GUCY2F: variants seen among roughly 807,000 people sequenced by gnomAD.
GUCY2F encodes the protein guanylate cyclase 2F, retinal.
In GUCY2F, 61 loss-of-function variants were observed where a neutral mutation model predicts 73.1. The ratio of observed to expected loss-of-function variants is 0.83; its 90% CI spans 0.68 to 1.03. The LOEUF (loss-of-function observed/expected upper bound fraction) is 1.03. Among genes scored for constraint, GUCY2F ranks in the 50% least tolerant of loss-of-function variants. The probability of loss-of-function intolerance (pLI) is 0.00; values close to 1 mark genes in which losing one functional copy is unlikely to be tolerated. For synonymous variants in GUCY2F, 331 were observed against 307.8 expected (o/e 1.08, Z -0.79); for missense variants, 912 against 854.3 (o/e 1.07, Z -0.84).
chrX:109,392,790 G>A, intron 13 of GUCY2F, 102 bp downstream of exon 13: 1 of 499,650 alleles, frequency 2.0e-6, no homozygotes, highest in Non-Finnish European at 3.4e-6. Context: ...AGGACAAGGG[G>A]AGGCAGCAGT....
chrX:109,455,211 T>C (rs1603384888), intron 3 of GUCY2F, among the ~76,000 whole-genome samples: 1 of 111,775 alleles, frequency 8.9e-6, no homozygotes, highest in East Asian at 2.8e-4. Flanking sequence ...AAGATTCTAA[T>C]ATGCATGCAG....
chrX:109,447,729 C>G (rs187167649), intron 6 of GUCY2F, among the ~76,000 whole-genome samples: 6 of 108,976 alleles, frequency 5.5e-5, no homozygotes, highest in Admixed American at 1.9e-4. Flanking sequence ...ACATATGTAA[C>G]AAACCTGCAC....
intron 10 of GUCY2F, among the ~76,000 whole-genome samples, chrX:109,402,604 C>A (rs35256564): frequency 9.0e-6 from 1 of 111,288 alleles, no homozygotes; most frequent in South Asian, 3.8e-4. Context: ...AACTCCTGAC[C>A]TCGTGATCTG....
intron 2 of GUCY2F, 105 bp from the exon 3 acceptor site, chrX:109,465,548 T>G: frequency 1.8e-6 from 1 of 557,985 alleles, no homozygotes; most frequent in South Asian, 2.9e-5. Flanking sequence ...AATTTGTAAG[T>G]GGTTTCTTAT....
chrX:109,401,214 G>A, intron 10 of GUCY2F, among the ~76,000 whole-genome samples: 1 of 112,198 alleles, frequency 8.9e-6, no homozygotes, highest in East Asian at 2.8e-4. Context: ...ACTACCATTA[G>A]AGTTGAACTC....
intron 8 of GUCY2F, among the ~76,000 whole-genome samples, chrX:109,410,415 T>A (rs1459676020): frequency 1.8e-5 from 2 of 112,449 alleles, no homozygotes; most frequent in Non-Finnish European, 3.8e-5. Context: ...TCTATTAAAA[T>A]AGCTTCCCTA....
chrX:109,426,706 T>C (rs1457343392), intron 8 of GUCY2F, among the ~76,000 whole-genome samples: 1 of 112,462 alleles, frequency 8.9e-6, no homozygotes, highest in Non-Finnish European at 1.9e-5. Context: ...GCATTTTCAG[T>C]AGCAGTTATA....
Position 109,453,725 on chromosome X carries a change from T to A in GUCY2F, c.1167A>T (p.Gly389=). The A allele has an allele frequency of 8.3e-7, 1 of 1,199,322 alleles. No individual in the cohort carries two copies. Among genetic ancestry groups the A allele is most frequent in the Non-Finnish European group, 1.1e-6 (1 of 884,092 alleles). The part of the protein sequence containing the change: ...VQHSRNMQFH[G]FNQLMRTDSN... ...AATCTGTCCTCATCAACTGGTTGAA[T>A]CCATGGAACTGCATGTTTCTGGAAT... Residue 389 remains glycine (G), a synonymous_variant, in exon 4 of 20, where the codon GGA becomes GGT. Transcript: ENST00000218006.
chrX:109,474,609 T>A (rs1004760718), intron 2 of GUCY2F, among the ~76,000 whole-genome samples: 1 of 111,998 alleles, frequency 8.9e-6, no homozygotes, highest in Non-Finnish European at 1.9e-5. Context: ...TCTTTTCATT[T>A]TAATATGCTT....
intron 17 of GUCY2F, among the ~76,000 whole-genome samples, chrX:109,376,665 A>T (rs910789245): frequency 4.5e-5 from 5 of 112,045 alleles, no homozygotes; most frequent in African/African-American, 1.6e-4. Flanking sequence ...TCTTCCAGCC[A>T]AGGGACTCTT....
intron 3 of GUCY2F, among the ~76,000 whole-genome samples, chrX:109,456,080 C>T (rs1333616949): frequency 8.9e-6 from 1 of 112,292 alleles, no homozygotes; most frequent in African/African-American, 3.2e-5. Context: ...CTTCATCACC[C>T]TGTCTCAAGA....
At chrX:109,467,689 A>G (rs762824809) in intron 2 of GUCY2F, among the ~76,000 whole-genome samples, 10 of 111,735 alleles carry the variant, frequency 8.9e-5, no homozygotes, top group Admixed American at 1.9e-4. Context: ...CAGCTAAGGA[A>G]AGGCACCTCT....
intron 17 of GUCY2F, among the ~76,000 whole-genome samples, chrX:109,380,068 G>A (rs961812208): frequency 1.8e-4 from 20 of 112,241 alleles, no homozygotes; most frequent in Admixed American, 6.6e-4. Flanking sequence ...AGGAGATGGC[G>A]TGGAGGGAAG....
intron 8 of GUCY2F, among the ~76,000 whole-genome samples, chrX:109,423,528 C>T (rs1238550927): frequency 9.2e-6 from 1 of 108,784 alleles, no homozygotes; most frequent in East Asian, 2.8e-4. Context: ...GAGTTTTGGA[C>T]ACATAAATGT....
At chrX:109,451,535 A>G (rs1932134139) in intron 5 of GUCY2F, among the ~76,000 whole-genome samples, 1 of 111,738 alleles carries the variant, frequency 8.9e-6, no homozygotes, top group African/African-American at 3.3e-5. Flanking sequence ...TAGGTGCTTT[A>G]CTTATTTTAG....
Position 109,430,342 on chromosome X carries a change from A to G in GUCY2F, c.1756T>C (p.Ser586Pro), listed in dbSNP as rs755714319. ...FSLGDFGDLK[S>P]IKSRASDVFE... ...ACATCACTTGCTCTTGATTTGATGG[A>G]CTTAAGGTCTCCAAAATCTCCAAGG... The change falls in exon 8 of 20, where the codon TCC (serine) becomes CCC (proline). Residue 586 changes from serine (S) to proline (P), a missense_variant. Transcript: ENST00000218006. 9 of 1,139,169 alleles carry G rather than the reference A, an allele frequency of 7.9e-6. No individual in the cohort carries two copies. In the South Asian group the frequency reaches 1.4e-4, roughly 18 times the overall value. 93.9% of individuals were successfully genotyped at this position (1,139,169 alleles called of 1,213,427 possible).
intron 15 of GUCY2F, among the ~76,000 whole-genome samples, chrX:109,386,195 G>A (rs1930432618): frequency 8.9e-6 from 1 of 111,962 alleles, no homozygotes; most frequent in Admixed American, 9.5e-5. Flanking sequence ...TCTAATTGAA[G>A]AGAAGATACT....
chrX:109,475,740 A>C lies in GUCY2F; in HGVS notation c.197T>G (p.Leu66Arg). 1 of 1,211,002 alleles carries C rather than the reference A, an allele frequency of 8.3e-7. No individual in the cohort carries two copies. The highest frequency in any genetic ancestry group is 1.1e-6 in the Non-Finnish European group (1 of 894,904). The change falls in exon 2 of 20, where the codon CTG becomes CGG. Residue 66 changes from leucine (L) to arginine (R), a missense_variant. Physicochemically the swap from Leu to Arg is moderately radical, Grantham distance 102 (BLOSUM62 -2). Coordinates refer to ENST00000218006, the MANE Select transcript of GUCY2F (RefSeq NM_001522.3). ...AACCTCAGGCAGGGCCTTTGAAAAC[A>C]GCGAATCACAAGCCCAAGGGCCCAC... ...GVVGPWACDS[L>R]FSKALPEVAA...
At chrX:109,404,210 TG>T in intron 10 of GUCY2F, 117 bp downstream of exon 10, 1 of 573,724 alleles carries the variant, frequency 1.7e-6, no homozygotes. Context: ...GAAATGAGGC[TG>T]GATTTTCAAC....
Sources: gnomAD v4.1 joint callset for allele counts (sites outside exome capture counted in the v4.1 genomes callset) on GRCh38, gnomAD v4.1.1 for gene constraint, MANE v1.5 for transcripts, NCBI Gene and HGNC (gene_info 2026-07-23, HGNC 2026-07-21) for gene names.